RRP12: variants seen among roughly 807,000 people sequenced by gnomAD.
RRP12 encodes RRP12-like protein.
Under a neutral mutation model 157.3 loss-of-function variants are expected in RRP12, and 78 were observed. The observed-to-expected ratio is 0.50, with a 90% CI of 0.41 to 0.60. The LOEUF (loss-of-function observed/expected upper bound fraction) is 0.60. Among genes scored for constraint, RRP12 ranks in the 20% least tolerant of loss-of-function variants. The pLI is 0.00. For missense variants in RRP12, 1,521 were observed against 1,679.9 expected (o/e 0.91, Z 1.65); for synonymous variants, 726 against 670.9 (o/e 1.08, Z -1.27).
At chr10:97,360,738 C>A in intron 30 of RRP12, 120 bp from the exon 31 acceptor site, 1 of 753,756 alleles carries the variant, frequency 1.3e-6, no homozygotes, top group Admixed American at 1.9e-5. Context: ...CTAAGCACCC[C>A]ACCTCTCACT....
Position 97,366,436 on chromosome 10 carries a change from C to T in RRP12, c.3391+10G>A. 6.2e-7 allele frequency: 1 copy of T among 1,606,312 alleles called. No homozygotes were observed. The highest frequency in any genetic ancestry group is 8.5e-7 in the Non-Finnish European group (1 of 1,176,000). On this transcript the variant is annotated intron_variant, in intron 28 of 33. Transcript: ENST00000370992. ...TGTTTTCTGAGTGCACTGGCCAGCC[C>T]TGTGCTTACCCAGGACTCGTTGGGC... is the stretch of plus-strand genomic sequence containing the variant.
chr10:97,394,259 C>T (rs11189195), intron 3 of RRP12, among the ~76,000 whole-genome samples: 57,891 of 151,922 alleles, frequency 0.38, 11,480 homozygotes, highest in African/African-American at 0.49. Context: ...AGGAGAATGG[C>T]GTGAACCCAG....
intron 25 of RRP12, chr10:97,367,411 C>G (rs1844020409): frequency 6.1e-6 from 3 of 491,738 alleles, no homozygotes; most frequent in African/African-American, 5.8e-5. Flanking sequence ...TATATCCTCT[C>G]CTTGAATCCT....
intron 4 of RRP12, 36 bp downstream of exon 4, chr10:97,393,648 A>G: frequency 8.4e-6 from 13 of 1,555,916 alleles, no homozygotes; most frequent in Non-Finnish European, 1.1e-5. Context: ...CCCCTCCACA[A>G]AAAGCCTTGG....
rs754729437 is a variant in RRP12, at chr10:97,381,406, T to A, written c.1398A>T (p.Gln466His). The A allele has an allele frequency of 6.2e-7, 1 of 1,611,528 alleles. No homozygotes were observed. The highest frequency in any genetic ancestry group is 1.3e-5 in the African/African-American group (1 of 74,750). Residue 466 changes from glutamine (Q) to histidine (H), a missense_variant, in exon 12 of 34, where the codon CAA (glutamine) becomes CAT (histidine). Coordinates refer to ENST00000370992, the MANE Select transcript of RRP12 (RefSeq NM_015179.4). ...CTCACCTGAACATCTTGGCAACAGA[T>A]TGGGCAGGGCCTGAGGCCGAGGAGG... ...SVTSSASGPA[Q>H]SVAKMFRAVE...
chr10:97,366,116 C>A lies in RRP12; in HGVS notation c.3509G>T (p.Gly1170Val), dbSNP rs1843969608. ...AAGCGCGTTGGGCCCACCTTTGGCA[C>A]CTTCCTCTTCCTCCATCTTGTTGCC... ...ADGNKMEEEE[G>V]AKGEDEEMAD... The change falls in exon 29 of 34, where the codon GGT (glycine) becomes GTT (valine). Residue 1170 changes from glycine (G) to valine (V), a missense_variant. Gly to Val is a moderately radical substitution (Grantham distance 109). Transcript: ENST00000370992. 1 of 1,603,464 alleles carries A rather than the reference C, an allele frequency of 6.2e-7. No homozygotes were observed. Among genetic ancestry groups the A allele is most frequent in the Non-Finnish European group, 8.5e-7 (1 of 1,179,898 alleles).
rs116871969 is a variant in RRP12, at chr10:97,388,399, T to C, written c.890-20A>G. On this transcript the variant is annotated intron_variant, in intron 7 of 33. Transcript: ENST00000370992. ...TGGAGCCTGGTATACAGAAGAGGAATTGAGACACCAGCCCCGCCCTACCGC... is the reference window on the plus strand; with the variant it reads ...TGGAGCCTGGTATACAGAAGAGGAACTGAGACACCAGCCCCGCCCTACCGC... The C allele has an allele frequency of 1.1e-3, 1,811 of 1,613,340 alleles. 34 individuals carry two copies. The East Asian group carries it at 0.032, about 28-fold the overall frequency.
At position 97,372,616 on chromosome 10, in the gene RRP12, G is replaced by C. The variant is rs1205538234; in HGVS notation, c.2249+120C>G. ...GCACAGCCTCTCAGCACAGCCTGGA[G>C]AGTTAATACTTCAAGGCTTCCTTAA... is the stretch of plus-strand genomic sequence containing the variant. On this transcript the variant is annotated intron_variant, in intron 19 of 33. Transcript: ENST00000370992. 3.7e-6 allele frequency: 3 copies of C among 815,184 alleles called. No individual in the cohort carries two copies. The African/African-American group carries it at 5.1e-5, about 14-fold the overall frequency. 50.5% of individuals were successfully genotyped at this position (815,184 alleles called of 1,614,324 possible). A position where few individuals can be genotyped will look rare whatever the true frequency, so the allele number is the denominator to read the frequency against.
In RRP12 at chr10:97,396,475, A is replaced by G. The variant is rs114075043; in HGVS notation, c.370-174T>C. On this transcript the variant is annotated intron_variant, in intron 2 of 33. Coordinates refer to ENST00000370992, the MANE Select transcript of RRP12 (RefSeq NM_015179.4). ...GGGGGCCCAGCAAATAACAAGACTC[A>G]GAAAATGCTTGCTAAAATTCCACCA... Among the ~76,000 whole-genome samples, 1,017 of 152,350 alleles carry G rather than the reference A, an allele frequency of 6.7e-3. 10 individuals carry two copies. The highest frequency in any genetic ancestry group is 0.023 in the African/African-American group (964 of 41,580).
In RRP12 at chr10:97,380,786, G is replaced by A. The variant is rs367637824; in HGVS notation, c.1533+13C>T. On this transcript the variant is annotated intron_variant, in intron 13 of 33. Coordinates refer to ENST00000370992, the MANE Select transcript of RRP12 (RefSeq NM_015179.4). ...ACCACTTCCTGCCCTGGCCCCAGCCGCTCCCCACTCACCTTCCTCATCACA... is the reference window on the plus strand; with the variant it reads ...ACCACTTCCTGCCCTGGCCCCAGCCACTCCCCACTCACCTTCCTCATCACA... 4.5e-5 allele frequency: 72 copies of A among 1,594,028 alleles called. No individual in the cohort carries two copies. The East Asian group carries it at 4.9e-4, about 11-fold the overall frequency.
At chr10:97,401,064 C>T in intron 1 of RRP12, 29 bp downstream of exon 1, 1 of 1,608,774 alleles carries the variant, frequency 6.2e-7, no homozygotes, top group South Asian at 1.1e-5. Context: ...ACCCCGCCCC[C>T]GGCTGCGCTC....
chr10:97,373,214 C>T lies in RRP12; in HGVS notation c.2027-14G>A. 9 of 1,613,160 alleles carry T rather than the reference C, an allele frequency of 5.6e-6. No individual in the cohort carries two copies. Among genetic ancestry groups the T allele is most frequent in the Non-Finnish European group, 6.8e-6 (8 of 1,179,416 alleles). On this transcript the variant is annotated splice_polypyrimidine_tract_variant and intron_variant, in intron 17 of 33. Transcript: ENST00000370992. ...CACGGTCAGCCTCTGGTAAAAGGATCAAAGTTTGCACTAAAGGCACAGGAG... is the reference window on the plus strand; with the variant it reads ...CACGGTCAGCCTCTGGTAAAAGGATTAAAGTTTGCACTAAAGGCACAGGAG...
At chr10:97,359,336 C>A (rs995865261) in intron 31 of RRP12, among the ~76,000 whole-genome samples, 3 of 152,224 alleles carry the variant, frequency 2.0e-5, no homozygotes, top group Non-Finnish European at 2.9e-5. Context: ...AGCCAGCCAG[C>A]CAGCCAGGTT....
rs1320293244 is a variant in RRP12 at position 97,396,251 on chromosome 10, C to T, written c.420G>A (p.Gly140=). Reference sequence around the variant, plus strand: ...CGAAGTACTCAGTCTCCGTCTCCTTCCCTCCCTGGGAGCGAATCACCTCAG... The same window carrying T: ...CGAAGTACTCAGTCTCCGTCTCCTTTCCTCCCTGGGAGCGAATCACCTCAG... The part of the protein sequence containing the change: ...AVTEVIRSQG[G]KETETEYFAA... Residue 140 remains glycine (G), a synonymous_variant, in exon 3 of 34, where the codon GGG becomes GGA. Transcript: ENST00000370992. 6.2e-7 allele frequency: 1 copy of T among 1,613,838 alleles called. No homozygotes were observed. The highest frequency in any genetic ancestry group is 8.5e-7 in the Non-Finnish European group (1 of 1,179,788).
Position 97,379,660 on chromosome 10 carries a change from C to T in RRP12, c.1644G>A (p.Leu548=). 6.2e-7 allele frequency: 1 copy of T among 1,614,048 alleles called. No individual in the cohort carries two copies. Among genetic ancestry groups the T allele is most frequent in the South Asian group, 1.1e-5 (1 of 91,080 alleles). Reference sequence around the variant, plus strand: ...CATCAATTTCCAAAGGCACAGCCTGCAGCACCACCTCAGGTCCCATACTGG... The same window carrying T: ...CATCAATTTCCAAAGGCACAGCCTGTAGCACCACCTCAGGTCCCATACTGG... ...AVTSMGPEVV[L]QAVPLEIDGS... is the part of the protein sequence containing the mutation. Residue 548 remains leucine (L), a synonymous_variant, in exon 14 of 34, where the codon CTG becomes CTA. Coordinates refer to ENST00000370992, the MANE Select transcript of RRP12 (RefSeq NM_015179.4).
intron 25 of RRP12, among the ~76,000 whole-genome samples, chr10:97,368,952 G>A (rs1396126162): frequency 6.6e-6 from 1 of 152,224 alleles, no homozygotes; most frequent in Non-Finnish European, 1.5e-5. Context: ...GGCAGGAGAG[G>A]GCCAGGGACC....
At chr10:97,373,786 C>T (rs199941496) in intron 16 of RRP12, 44 bp downstream of exon 16, 1 of 1,612,910 alleles carries the variant, frequency 6.2e-7, no homozygotes. Flanking sequence ...GCCACCTGTG[C>T]CCCTGTGTGC....
At chr10:97,390,877 G>A in intron 4 of RRP12, 33 bp from the exon 5 acceptor site, 8 of 1,448,818 alleles carry the variant, frequency 5.5e-6, no homozygotes, top group Non-Finnish European at 7.8e-6. Flanking sequence ...TCACCCCAGA[G>A]GGTCCCTGAA....
rs758833265 is a variant in RRP12, at chr10:97,400,425, C to T, written c.249G>A (p.Ala83=). The change falls in exon 2 of 34, where the codon GCG becomes GCA. Residue 83 remains alanine, a synonymous_variant. Transcript: ENST00000370992. ...EAPETPMEEE[A]ELVLTEKSSG... is the part of the protein sequence containing the mutation. ...AGGACTTCTCGGTGAGAACCAGCTC[C>T]GCCTCTTCTTCCATGGGCGTCTCCG... 1.2e-6 allele frequency: 2 copies of T among 1,614,108 alleles called. No individual in the cohort carries two copies. The highest frequency in any genetic ancestry group is 8.5e-7 in the Non-Finnish European group (1 of 1,180,016).
Sources: allele counts gnomAD v4.1 joint callset (sites outside exome capture counted in the v4.1 genomes callset), GRCh38; gene constraint gnomAD v4.1.1; transcripts MANE v1.5; gene names NCBI Gene and HGNC (gene_info 2026-07-23, HGNC 2026-07-21).